Variants in ADGRF3 observed in about 807,000 individuals in gnomAD.
ADGRF3 encodes G protein-coupled receptor 113.
ADGRF3 carries 85 observed loss-of-function variants against 93.2 expected under a neutral mutation model. The observed-to-expected ratio is 0.91, with a 90% CI of 0.77 to 1.09. The LOEUF (loss-of-function observed/expected upper bound fraction) is 1.09, where lower values mean the gene tolerates loss of function less well. ADGRF3 is among the 50% of genes least tolerant of loss of function. The pLI, the probability that ADGRF3 is intolerant of heterozygous loss-of-function variation, is 0.00. For synonymous variants in ADGRF3, 534 were observed against 532.5 expected (o/e 1.00, Z -0.04); for missense variants, 1,125 against 1,246.2 (o/e 0.90, Z 1.46).
chr2:26,313,437 C>G lies in ADGRF3; in HGVS notation c.1209G>C (p.Trp403Cys). The G allele has an allele frequency of 6.2e-7, 1 of 1,609,966 alleles. No homozygotes were observed. The highest frequency in any genetic ancestry group is 1.3e-5 in the African/African-American group (1 of 74,924). The change falls in exon 8 of 14, where the codon TGG becomes TGC. Residue 403 changes from tryptophan (W) to cysteine (C), a missense_variant. Transcript: ENST00000651242. ...CTGTGCAGCTGCTGTGGACCGGCCC[C>G]CAGACTCCGTCAGCCCCACAGAGCC... ...VRRLCGADGVWGPVHSSCTDA... is the reference protein window; with the variant it reads ...VRRLCGADGVCGPVHSSCTDA...
Position 26,311,223 on chromosome 2 carries a change from C to T in ADGRF3, c.2301G>A (p.Gly767=), listed in dbSNP as rs189681654. 136 of 1,605,818 alleles carry T rather than the reference C, an allele frequency of 8.5e-5. No individual in the cohort carries two copies. The East Asian group carries it at 2.6e-3, about 31-fold the overall frequency. ...CAGCAAGGCAGAGCGGGCTTCGGGG[C>T]CCTGGAGAGAGGAATGGGGCGCCCA... ...CFLGAPFLSP[G]PRSPLCLAAA... is the part of the protein sequence containing the mutation. Residue 767 remains glycine, a synonymous_variant, in exon 10 of 14, where the codon GGG becomes GGA. Transcript: ENST00000651242.
chr2:26,314,536 G>C lies in ADGRF3; in HGVS notation c.806C>G (p.Ala269Gly). Residue 269 changes from alanine (A) to glycine (G), a missense_variant, in exon 6 of 14, where the codon GCT becomes GGT. Ala to Gly is a moderately conservative substitution (Grantham distance 60). Coordinates refer to ENST00000651242, the MANE Select transcript of ADGRF3 (RefSeq NM_001321971.2). The part of the protein sequence containing the change: ...VRVPLKATDV[A>G]RLPYQLSISC... ...GATGGACAGCTGGTATGGAAGTCGA[G>C]CCACATCTGTCGCCTTCAAGGGCAC... 1 of 1,614,068 alleles carries C rather than the reference G, an allele frequency of 6.2e-7. No homozygotes were observed. The highest frequency in any genetic ancestry group is 8.5e-7 in the Non-Finnish European group (1 of 1,179,890).
intron 1 of ADGRF3, chr2:26,345,882 A>G (rs1396344968): frequency 9.3e-6 from 5 of 537,036 alleles, no homozygotes; most frequent in Non-Finnish European, 1.7e-5. Flanking sequence ...GCCTTACCTC[A>G]GCTCACCAAT....
Position 26,310,724 on chromosome 2 carries a change from G to A in ADGRF3, c.2800C>T (p.His934Tyr), listed in dbSNP as rs1674003425. The change falls in exon 10 of 14, where the codon CAT (histidine) becomes TAT (tyrosine). Residue 934 changes from histidine (H) to tyrosine (Y), a missense_variant. By Grantham distance (83) the His-to-Tyr change is moderately conservative. Coordinates refer to ENST00000651242, the MANE Select transcript of ADGRF3 (RefSeq NM_001321971.2). ...GTGTTGAGAATGGTGAAGATGTAAT[G>A]AGGGACCGTGGAGACTTCCTCTAAC... is the stretch of plus-strand genomic sequence containing the variant. The part of the protein sequence containing the change: ...TLLEEVSTVP[H>Y]YIFTILNTLQ... 6.2e-7 allele frequency: 1 copy of A among 1,612,732 alleles called. No homozygotes were observed.
At chr2:26,342,167 T>A (rs969909025) in intron 1 of ADGRF3, among the ~76,000 whole-genome samples, 1 of 151,850 alleles carries the variant, frequency 6.6e-6, no homozygotes, top group African/African-American at 2.4e-5. Context: ...CAACTAAAAG[T>A]CTGATGACCT....
intron 1 of ADGRF3, among the ~76,000 whole-genome samples, chr2:26,328,050 T>G (rs1162935378): frequency 6.6e-6 from 1 of 152,180 alleles, no homozygotes; most frequent in East Asian, 1.9e-4. Context: ...TAATGAGCCT[T>G]GTGATTCGAG....
At chr2:26,319,140 A>T (rs1412138209) in intron 1 of ADGRF3, 1 of 1,337,652 alleles carries the variant, frequency 7.5e-7, no homozygotes, top group Admixed American at 2.3e-5. Flanking sequence ...GGGAGGGAAG[A>T]GGGGAGGGAG....
intron 1 of ADGRF3, chr2:26,318,949 A>G (rs1674936986): frequency 6.4e-7 from 1 of 1,551,434 alleles, no homozygotes; most frequent in South Asian, 1.2e-5. Context: ...CCTGGGTCTC[A>G]CCCCAGTCTC....
Position 26,346,465 on chromosome 2 carries a change from T to C in ADGRF3, c.-231A>G. 1.4e-6 allele frequency: 1 copy of C among 714,816 alleles called. No individual in the cohort carries two copies. The highest frequency in any genetic ancestry group is 2.1e-6 in the Non-Finnish European group (1 of 472,056). The allele number at this position is 714,816 out of a possible 1,614,324, so 44.3% of individuals were successfully genotyped here. On this transcript the variant is annotated 5_prime_UTR_variant, in exon 1 of 14. An upstream start codon of the reference 5' UTR is lost. Transcript: ENST00000651242. ...TTGGGGGTCGGGGAGCGTGGGAGCA[T>C]CCTAAGCCCGCCGCCCGTAGTCGGC...
intron 1 of ADGRF3, among the ~76,000 whole-genome samples, chr2:26,319,588 T>TTCCTTCCTTCCC (rs1675010561): frequency 1.4e-5 from 1 of 69,250 alleles, no homozygotes; most frequent in Non-Finnish European, 2.9e-5. Context: ...CCTTCCTTCC[T>TTCCTTCCTTCCC]TCCTTCCTTC....
intron 3 of ADGRF3, among the ~76,000 whole-genome samples, 158 bp from the exon 4 acceptor site, chr2:26,316,606 C>T (rs1674699907): frequency 6.6e-6 from 1 of 152,078 alleles, no homozygotes; most frequent in Non-Finnish European, 1.5e-5. Flanking sequence ...TCAGGACTGC[C>T]TCCTCAGTCA....
At position 26,317,043 on chromosome 2, in the gene ADGRF3, A is replaced by C. The variant is rs1449675559; in HGVS notation, c.194T>G (p.Val65Gly). ...QENGAGESALVSVYVHLDFPD... is the reference protein window; with the variant it reads ...QENGAGESALGSVYVHLDFPD... The stretch of plus-strand genomic sequence containing the variant: ...AAAGTCCAGATGTACATAGACGGAG[A>C]CCAGCGCTGATTCTACAGGAGCAGA... The change falls in exon 3 of 14, where the codon GTC (valine) becomes GGC (glycine). Residue 65 changes from valine (V) to glycine (G), a missense_variant. By Grantham distance (109) the Val-to-Gly change is moderately radical (BLOSUM62 -3). Transcript: ENST00000651242. 1 of 1,611,162 alleles carries C rather than the reference A, an allele frequency of 6.2e-7. No homozygotes were observed. The highest frequency in any genetic ancestry group is 8.5e-7 in the Non-Finnish European group (1 of 1,178,914).
intron 13 of ADGRF3, 73 bp from the exon 14 acceptor site, chr2:26,309,180 C>G: frequency 6.2e-7 from 1 of 1,613,960 alleles, no homozygotes; most frequent in Non-Finnish European, 8.5e-7. Context: ...CTCTGGATAC[C>G]AAGCCCACCC....
chr2:26,321,585 A>G (rs1443798505), intron 1 of ADGRF3, among the ~76,000 whole-genome samples: 1 of 152,158 alleles, frequency 6.6e-6, no homozygotes, highest in Non-Finnish European at 1.5e-5. Context: ...GGCAGCCCCC[A>G]GTTAGGAGAG....
chr2:26,314,312 G>C (rs1462570175), intron 6 of ADGRF3, 102 bp downstream of exon 6: 1 of 1,104,640 alleles, frequency 9.1e-7, no homozygotes, highest in East Asian at 2.5e-5. Flanking sequence ...CTCTCTGGTT[G>C]AACTGTGGCC....
In ADGRF3 at chr2:26,310,063, G is replaced by A. The variant is rs748173614; in HGVS notation, c.2917C>T (p.Pro973Ser). 9 of 1,614,056 alleles carry A rather than the reference G, an allele frequency of 5.6e-6. No individual in the cohort carries two copies. The Admixed American group carries it at 1.5e-4, about 27-fold the overall frequency. The change falls in exon 12 of 14, where the codon CCC (proline) becomes TCC (serine). Residue 973 changes from proline (P) to serine (S), a missense_variant. Pro to Ser is a moderately conservative substitution (Grantham distance 74, BLOSUM62 -1). Coordinates refer to ENST00000651242, the MANE Select transcript of ADGRF3 (RefSeq NM_001321971.2). ...CTCACCAGGGAGATGGTGGAGCTGG[G>A]GGCTTGGGCGCGGCAGAAGCGTTTG... ...LRKRFCRAQAPSSTISLATNE... is the reference protein window; with the variant it reads ...LRKRFCRAQASSSTISLATNE...
intron 4 of ADGRF3, among the ~76,000 whole-genome samples, chr2:26,315,975 C>T (rs758204905): frequency 6.1e-5 from 9 of 147,924 alleles, no homozygotes; most frequent in African/African-American, 8.0e-5. Flanking sequence ...GTCTATGCCT[C>T]TCCCTCCCCC....
In ADGRF3 at chr2:26,309,029, G is replaced by T; in HGVS notation, c.*57C>A. 6.2e-7 allele frequency: 1 copy of T among 1,613,076 alleles called. No homozygotes were observed. Among genetic ancestry groups the T allele is most frequent in the Non-Finnish European group, 8.5e-7 (1 of 1,179,088 alleles). On this transcript the variant is annotated 3_prime_UTR_variant, in exon 14 of 14. Coordinates refer to ENST00000651242, the MANE Select transcript of ADGRF3 (RefSeq NM_001321971.2). ...CAGAGCATTGGGCCAGGGCTCATCTGGTGGGTTCAAGCACACAGCCTCAAC... is the reference window on the plus strand; with the variant it reads ...CAGAGCATTGGGCCAGGGCTCATCTTGTGGGTTCAAGCACACAGCCTCAAC...
intron 1 of ADGRF3, among the ~76,000 whole-genome samples, chr2:26,336,428 C>G (rs1414017635): frequency 1.3e-5 from 2 of 151,390 alleles, no homozygotes; most frequent in Non-Finnish European, 1.5e-5. Flanking sequence ...TAATTAAATT[C>G]AAAGCAATCA....
Sources: allele counts gnomAD v4.1 joint callset (sites outside exome capture counted in the v4.1 genomes callset), GRCh38; gene constraint gnomAD v4.1.1; transcripts MANE v1.5; gene names NCBI Gene and HGNC (gene_info 2026-07-23, HGNC 2026-07-21).